Variants in COL4A5 observed in about 807,000 individuals in gnomAD.
COL4A5 encodes the protein collagen alpha-5(IV) chain.
Under a neutral mutation model 130.2 loss-of-function variants are expected in COL4A5, and 26 were observed. The observed-to-expected ratio is 0.20, with a 90% CI of 0.15 to 0.28. The LOEUF (loss-of-function observed/expected upper bound fraction) is 0.28, where lower values mean the gene tolerates loss of function less well. COL4A5 is among the 10% of genes least tolerant of loss of function. The pLI, the probability that COL4A5 is intolerant of heterozygous loss-of-function variation, is 1.00. For missense variants in COL4A5, 1,131 were observed against 1,344.3 expected, an observed-to-expected ratio of 0.84 and a Z score of 2.48; for synonymous variants, 496 against 439.6, an observed-to-expected ratio of 1.13 and a Z score of -1.60.
At chrX:108,500,418 C>T (rs1015884246) in intron 1 of COL4A5, among the ~76,000 whole-genome samples, 1 of 111,844 alleles carries the variant, frequency 8.9e-6, no homozygotes, top group Non-Finnish European at 1.9e-5. Context: ...ATGCATTTTC[C>T]CTTTCATTTA....
chrX:108,693,515 T>C (rs931956332), intron 50 of COL4A5: 12 of 115,682 alleles, frequency 1.0e-4, no homozygotes, highest in African/African-American at 3.9e-4. Context: ...TTAAAGTTTA[T>C]TTGATATGTA....
At position 108,619,423 on chromosome X, in the gene COL4A5, C is replaced by T. The variant is rs532653158; in HGVS notation, c.2510-836C>T. Among the ~76,000 whole-genome samples the T allele has an allele frequency of 1.1e-4, 12 of 111,753 alleles. No individual in the cohort carries two copies. The South Asian group carries it at 3.4e-3, about 31-fold the overall frequency. ...TCAACATTAAGTGACTCACGTAAGT[C>T]GCACAGCTGGTAGGCTTTGGAGTGG... On this transcript the variant is annotated intron_variant, in intron 30 of 52. Coordinates refer to ENST00000328300, the MANE Select transcript of COL4A5 (RefSeq NM_033380.3).
At chrX:108,621,205 T>C (rs2067042250) in intron 31 of COL4A5, among the ~76,000 whole-genome samples, 1 of 103,614 alleles carries the variant, frequency 9.7e-6, no homozygotes. Context: ...CAGACTGGAG[T>C]GCAGTGGGAC....
At chrX:108,582,276 C>T (rs1017827852) in intron 16 of COL4A5, among the ~76,000 whole-genome samples, 2 of 111,068 alleles carry the variant, frequency 1.8e-5, no homozygotes, top group East Asian at 5.6e-4. Flanking sequence ...TGTCTTGATT[C>T]AGGCAGCTGT....
At chrX:108,596,228 C>T (rs1462937036) in intron 22 of COL4A5, among the ~76,000 whole-genome samples, 1 of 112,113 alleles carries the variant, frequency 8.9e-6, no homozygotes, top group Non-Finnish European at 1.9e-5. Context: ...AGTGAGTCTA[C>T]TAAGGACACC....
intron 52 of COL4A5, chrX:108,695,969 C>G (rs1250545009): frequency 3.9e-6 from 1 of 259,319 alleles, no homozygotes; most frequent in Non-Finnish European, 6.9e-6. Flanking sequence ...TGTTATCTAT[C>G]ATAACATCAT....
chrX:108,695,170 G>C, intron 51 of COL4A5, 97 bp from the exon 52 acceptor site: 1 of 1,083,651 alleles, frequency 9.2e-7, no homozygotes, highest in Non-Finnish European at 1.3e-6. Context: ...TCCTTCACTA[G>C]ATTTGAATTT....
intron 3 of COL4A5, among the ~76,000 whole-genome samples, chrX:108,563,524 G>A (rs1382108802): frequency 9.0e-6 from 1 of 111,726 alleles, no homozygotes; most frequent in East Asian, 2.8e-4. Flanking sequence ...CATAATATGG[G>A]AACTGCCCAG....
intron 35 of COL4A5, 22 bp downstream of exon 35, chrX:108,625,816 A>G (rs1297472652): frequency 1.9e-6 from 2 of 1,079,090 alleles, no homozygotes; most frequent in Non-Finnish European, 2.6e-6. Flanking sequence ...AAATCTTCCA[A>G]ATATTTAGTC....
intron 36 of COL4A5, among the ~76,000 whole-genome samples, chrX:108,636,599 G>A (rs890265005): frequency 2.7e-5 from 3 of 110,656 alleles, no homozygotes; most frequent in South Asian, 3.7e-4. Flanking sequence ...ATAATTCAAC[G>A]GAAAGCAAAT....
chrX:108,488,497 G>A (rs1272436161), intron 1 of COL4A5, among the ~76,000 whole-genome samples: 4 of 112,039 alleles, frequency 3.6e-5, no homozygotes, highest in Admixed American at 9.5e-5. Flanking sequence ...CATTTTGGTA[G>A]ATATTGCCAG....
At chrX:108,664,754 TG>T (rs1439644814) in intron 37 of COL4A5, among the ~76,000 whole-genome samples, 1 of 112,080 alleles carries the variant, frequency 8.9e-6, no homozygotes, top group African/African-American at 3.2e-5. Context: ...GAGAAAACTT[TG>T]AATAGATACT....
intron 12 of COL4A5, 28 bp from the exon 13 acceptor site, chrX:108,578,262 AC>A: frequency 8.6e-7 from 1 of 1,160,520 alleles, no homozygotes. Flanking sequence ...ATGAAGTATC[AC>A]CACTGTCTTA....
intron 1 of COL4A5, among the ~76,000 whole-genome samples, chrX:108,533,773 A>G (rs1434885756): frequency 9.0e-6 from 1 of 111,228 alleles, no homozygotes; most frequent in East Asian, 2.8e-4. Flanking sequence ...CAATTTTTGC[A>G]AAGTATTTAT....
At chrX:108,465,480 A>G (rs765244605) in intron 1 of COL4A5, among the ~76,000 whole-genome samples, 2 of 111,405 alleles carry the variant, frequency 1.8e-5, no homozygotes, top group African/African-American at 6.5e-5. Context: ...TTTATTTGTC[A>G]TGTTTACATA....
chrX:108,636,373 A>G (rs1173377641), intron 36 of COL4A5, among the ~76,000 whole-genome samples: 1 of 110,969 alleles, frequency 9.0e-6, no homozygotes, highest in Non-Finnish European at 1.9e-5. Context: ...AAATTGGGCT[A>G]TATTAAAATT....
intron 17 of COL4A5, 111 bp from the exon 18 acceptor site, chrX:108,584,365 CATTTGAGG>C (rs1346587356): frequency 3.3e-6 from 2 of 604,389 alleles, no homozygotes; most frequent in Admixed American, 5.7e-5. Context: ...TTGCATTTCT[CATTTGAGG>C]TATTTTATGA....
chrX:108,528,654 C>A (rs1291262492), intron 1 of COL4A5, among the ~76,000 whole-genome samples: 1 of 111,665 alleles, frequency 9.0e-6, no homozygotes, highest in East Asian at 2.8e-4. Flanking sequence ...TAAGAATGAA[C>A]AATATTACTA....
At chrX:108,470,141 TG>T (rs1367669956) in intron 1 of COL4A5, among the ~76,000 whole-genome samples, 2 of 112,083 alleles carry the variant, frequency 1.8e-5, no homozygotes, top group East Asian at 5.6e-4. Flanking sequence ...ATTTCTTTTT[TG>T]GGGGGTATAT....
Sources: gnomAD v4.1 joint callset for allele counts (sites outside exome capture counted in the v4.1 genomes callset) on GRCh38, gnomAD v4.1.1 for gene constraint, MANE v1.5 for transcripts, NCBI Gene and HGNC (gene_info 2026-07-23, HGNC 2026-07-21) for gene names.